The following RTN1 variants were observed in gnomAD, a reference collection of about 807,000 sequenced individuals.
RTN1 encodes reticulon-1.
Under a neutral mutation model 65.5 loss-of-function variants are expected in RTN1, and 25 were observed. That is an observed-to-expected ratio of 0.38 (90% CI 0.28 to 0.53). RTN1 has a LOEUF of 0.53. RTN1 is among the 20% of genes least tolerant of loss of function. The probability of loss-of-function intolerance (pLI) is 0.79; values close to 1 mark genes in which losing one functional copy is unlikely to be tolerated. For missense variants in RTN1, 983 were observed against 1,025.4 expected (o/e 0.96, Z 0.57); for synonymous variants, 471 against 447.6 (o/e 1.05, Z -0.66).
intron 1 of RTN1, among the ~76,000 whole-genome samples, chr14:59,764,441 C>G (rs560892919): frequency 1.3e-5 from 2 of 152,156 alleles, no homozygotes; most frequent in East Asian, 3.9e-4. Flanking sequence ...CTGCCTCAGC[C>G]TCCCTTGTAG....
intron 1 of RTN1, among the ~76,000 whole-genome samples, chr14:59,848,486 T>G (rs1398357244): frequency 6.6e-6 from 1 of 152,242 alleles, no homozygotes; most frequent in Non-Finnish European, 1.5e-5. Context: ...TAAAAGAAAT[T>G]CAAAGTGATA....
chr14:59,620,022 G>A (rs1352143746), intron 3 of RTN1, among the ~76,000 whole-genome samples: 1 of 151,950 alleles, frequency 6.6e-6, no homozygotes, highest in Non-Finnish European at 1.5e-5. Context: ...TTTAGGTTGA[G>A]CAAAACCTAG....
At position 59,846,559 on chromosome 14, in the gene RTN1, A is replaced by G. The variant is rs890482660; in HGVS notation, c.241+23831T>C. On this transcript the variant is annotated intron_variant, in intron 1 of 8. Coordinates refer to ENST00000267484, the MANE Select transcript of RTN1 (RefSeq NM_021136.3). The surrounding 1 kb of genome is among the most constrained non-coding windows in gnomAD (Gnocchi z 4.8). The stretch of plus-strand genomic sequence containing the variant: ...AGTGGTTACCAAGTAAGCATAATGG[A>G]AAAAGAAGAGTAAGTGTGTATCCCA... Among the ~76,000 whole-genome samples the G allele has an allele frequency of 4.6e-5, 7 of 152,260 alleles. No homozygotes were observed. The highest frequency in any genetic ancestry group is 7.4e-5 in the Non-Finnish European group (5 of 68,016).
At chr14:59,852,859 A>G (rs1434952752) in intron 1 of RTN1, among the ~76,000 whole-genome samples, 2 of 152,214 alleles carry the variant, frequency 1.3e-5, no homozygotes, top group East Asian at 1.9e-4. Context: ...GCTCTTCCTC[A>G]TAGTCTGACC....
chr14:59,720,043 T>TG (rs1884615419), intron 3 of RTN1, among the ~76,000 whole-genome samples: 2 of 152,148 alleles, frequency 1.3e-5, no homozygotes, highest in Admixed American at 6.5e-5. Context: ...CAAACCAAAT[T>TG]TACTAGGAGG....
chr14:59,760,651 TTCTCA>T (rs1369097096), intron 1 of RTN1, among the ~76,000 whole-genome samples: 1 of 152,172 alleles, frequency 6.6e-6, no homozygotes, highest in African/African-American at 2.4e-5. Flanking sequence ...CTCTCTTAGG[TTCTCA>T]TCTTTCAGGT....
intron 3 of RTN1, among the ~76,000 whole-genome samples, chr14:59,670,735 A>G (rs148388025): frequency 2.6e-5 from 4 of 152,338 alleles, no homozygotes; most frequent in African/African-American, 9.6e-5. Context: ...AACAGGCTAA[A>G]TAAGTGTTAA....
intron 1 of RTN1, among the ~76,000 whole-genome samples, chr14:59,765,561 T>C (rs1347532117): frequency 6.6e-6 from 1 of 152,198 alleles, no homozygotes. Flanking sequence ...GAAGGCAAAA[T>C]AGACATCATA....
At chr14:59,676,567 G>C (rs905250215) in intron 3 of RTN1, among the ~76,000 whole-genome samples, 1 of 152,056 alleles carries the variant, frequency 6.6e-6, no homozygotes, top group African/African-American at 2.4e-5. Flanking sequence ...GAGGGCAAAG[G>C]GCACATGCAA....
At chr14:59,869,272 C>A (rs1392377213) in intron 1 of RTN1, among the ~76,000 whole-genome samples, 2 of 152,030 alleles carry the variant, frequency 1.3e-5, no homozygotes, top group African/African-American at 4.8e-5. Flanking sequence ...AGAGCACACA[C>A]ACCAGTCCCA....
intron 1 of RTN1, among the ~76,000 whole-genome samples, chr14:59,818,469 C>T (rs1001070388): frequency 5.3e-5 from 8 of 152,132 alleles, no homozygotes; most frequent in Non-Finnish European, 1.2e-4. Context: ...TCACACAGTG[C>T]CTGAGACAGA....
At chr14:59,616,569 ACT>A (rs1401861908) in intron 3 of RTN1, among the ~76,000 whole-genome samples, 1 of 152,154 alleles carries the variant, frequency 6.6e-6, no homozygotes, top group African/African-American at 2.4e-5. Flanking sequence ...ATTATGGGAA[ACT>A]TCTATAATGT....
chr14:59,770,988 T>C (rs1316127744), intron 1 of RTN1, among the ~76,000 whole-genome samples: 3 of 150,640 alleles, frequency 2.0e-5, no homozygotes, highest in Non-Finnish European at 4.4e-5. Context: ...AGAGTTGCAG[T>C]GAGCCGATAT....
At chr14:59,619,952 G>C (rs1882211044) in intron 3 of RTN1, among the ~76,000 whole-genome samples, 1 of 152,092 alleles carries the variant, frequency 6.6e-6, no homozygotes, top group South Asian at 2.1e-4. Context: ...GGCTGGGTGG[G>C]GGGAAGTTCA....
chr14:59,614,211 T>C (rs912363314), intron 3 of RTN1, among the ~76,000 whole-genome samples: 1 of 152,176 alleles, frequency 6.6e-6, no homozygotes, highest in African/African-American at 2.4e-5. Flanking sequence ...TTCCTCCTTT[T>C]GGGGATCCGG....
At position 59,829,969 on chromosome 14, in the gene RTN1, A is replaced by G. The variant is rs534299469; in HGVS notation, c.241+40421T>C. On this transcript the variant is annotated intron_variant, in intron 1 of 8. Coordinates refer to ENST00000267484, the MANE Select transcript of RTN1 (RefSeq NM_021136.3). The surrounding 1 kb of genome is among the most constrained non-coding windows in gnomAD (Gnocchi z 4.3). ...AGTCATTGGGGTTTGAGAGTTTTTT[A>G]TTTTAAAAAAATAGCATGTATTTTT... is the stretch of plus-strand genomic sequence containing the variant. 6.6e-6 allele frequency among the ~76,000 whole-genome samples: 1 copy of G among 152,276 alleles called. No homozygotes were observed. The highest frequency in any genetic ancestry group is 2.4e-5 in the African/African-American group (1 of 41,556).
chr14:59,684,613 G>A (rs950613267), intron 3 of RTN1, among the ~76,000 whole-genome samples: 6 of 151,830 alleles, frequency 4.0e-5, no homozygotes, highest in African/African-American at 1.5e-4. Flanking sequence ...TGCTTTATAG[G>A]TCATATTCAG....
At chr14:59,823,725 T>C (rs1317148577) in intron 1 of RTN1, among the ~76,000 whole-genome samples, 1 of 152,226 alleles carries the variant, frequency 6.6e-6, no homozygotes, top group African/African-American at 2.4e-5. Flanking sequence ...ACATTTACTT[T>C]GGAAAATCTG....
chr14:59,610,988 C>A (rs1368280433), intron 3 of RTN1, among the ~76,000 whole-genome samples: 2 of 152,200 alleles, frequency 1.3e-5, no homozygotes, highest in African/African-American at 4.8e-5. Context: ...GACCAATCAG[C>A]ACTCCTGGTT....
Sources: allele counts gnomAD v4.1 joint callset (sites outside exome capture counted in the v4.1 genomes callset), GRCh38; gene constraint gnomAD v4.1.1; non-coding constraint Gnocchi (gnomAD v3.1); transcripts MANE v1.5; gene names NCBI Gene and HGNC (gene_info 2026-07-23, HGNC 2026-07-21).